Variants in CSMD2 observed in about 807,000 individuals in gnomAD.
The protein encoded by CSMD2 is CUB and sushi domain-containing protein 2.
In CSMD2, 130 loss-of-function variants were observed where a neutral mutation model predicts 398.5. The observed-to-expected ratio is 0.33, with a 90% CI of 0.28 to 0.38. The LOEUF is 0.38. CSMD2 is among the 10% of genes least tolerant of loss of function. CSMD2 has a pLI of 1.00. For missense variants in CSMD2, 3,829 were observed against 4,764.9 expected (o/e 0.80, Z 5.78); for synonymous variants, 1,828 against 1,908.5 (o/e 0.96, Z 1.10).
At chr1:33,735,492 C>G (rs1279070558) in intron 15 of CSMD2, among the ~76,000 whole-genome samples, 1 of 152,176 alleles carries the variant, frequency 6.6e-6, no homozygotes, top group African/African-American at 2.4e-5. Flanking sequence ...TAAGGGACTC[C>G]TGTGTCCTGT....
In CSMD2 at chr1:33,533,664, C is replaced by T. The variant is rs1012277312; in HGVS notation, c.9991+132G>A. 4.9e-5 allele frequency: 32 copies of T among 653,284 alleles called. No homozygotes were observed. The highest frequency in any genetic ancestry group is 3.6e-4 in the Admixed American group (14 of 38,476). 40.5% of individuals were successfully genotyped at this position (653,284 alleles called of 1,614,324 possible). ...TCTGTGAGGCCCCAAAGTGTAAGGA[C>T]TACAAAGAGACCGATGTCGGTTCGC... On this transcript the variant is annotated intron_variant, in intron 63 of 70. Transcript: ENST00000373381. The surrounding 1 kb of genome is among the most constrained non-coding windows in gnomAD (Gnocchi z 4.2).
chr1:33,829,467 T>C (rs942115448), intron 6 of CSMD2, among the ~76,000 whole-genome samples: 1 of 152,252 alleles, frequency 6.6e-6, no homozygotes, highest in Non-Finnish European at 1.5e-5. Flanking sequence ...TATATACATG[T>C]GTCATGTCGG....
At chr1:33,747,733 C>T (rs1647583896) in intron 13 of CSMD2, among the ~76,000 whole-genome samples, 1 of 152,118 alleles carries the variant, frequency 6.6e-6, no homozygotes, top group Non-Finnish European at 1.5e-5. Flanking sequence ...ACTCTGAATA[C>T]TCAAAAGTAA....
chr1:33,737,804 G>A (rs1557816500), intron 15 of CSMD2, among the ~76,000 whole-genome samples: 1 of 152,224 alleles, frequency 6.6e-6, no homozygotes. Context: ...GGAATATGAG[G>A]CCAAGGAAGA....
chr1:34,144,916 C>T (rs1407268598), intron 1 of CSMD2, among the ~76,000 whole-genome samples: 1 of 152,234 alleles, frequency 6.6e-6, no homozygotes, highest in East Asian at 1.9e-4. Context: ...CAAATAAATG[C>T]CAAGTGTCTG....
intron 1 of CSMD2, among the ~76,000 whole-genome samples, chr1:34,159,686 T>G (rs577761708): frequency 5.3e-5 from 8 of 152,366 alleles, no homozygotes; most frequent in African/African-American, 1.9e-4. Context: ...TTCACTGGGT[T>G]GCTGAGAGGA....
At chr1:33,901,755 GAAAT>G (rs893964951) in intron 5 of CSMD2, among the ~76,000 whole-genome samples, 3 of 152,144 alleles carry the variant, frequency 2.0e-5, no homozygotes, top group African/African-American at 4.8e-5. Flanking sequence ...AAATATTTGT[GAAAT>G]AAATAAATAA....
At chr1:34,158,359 C>T (rs562601530) in intron 1 of CSMD2, among the ~76,000 whole-genome samples, 5 of 152,290 alleles carry the variant, frequency 3.3e-5, no homozygotes, top group Admixed American at 2.0e-4. Context: ...GAAGCTCTCA[C>T]GACACTGCAG....
intron 62 of CSMD2, among the ~76,000 whole-genome samples, chr1:33,535,868 C>A (rs998042286): frequency 3.9e-5 from 6 of 152,196 alleles, no homozygotes; most frequent in Admixed American, 1.3e-4. Context: ...TCAAATGTCA[C>A]CCTTCCCTAA....
rs372651590 is a variant in CSMD2, at chr1:34,011,798, GT to G, written c.517+20795del. 5.9e-5 allele frequency among the ~76,000 whole-genome samples: 9 copies of G among 152,166 alleles called. No individual in the cohort carries two copies. In the East Asian group the frequency reaches 7.7e-4, roughly 13 times the overall value. ...TATTGACTATAGTTACCCTGTTGGGGTATCAAATAGTAGGTCTTATTCATGA... is the reference window on the plus strand; with the variant it reads ...TATTGACTATAGTTACCCTGTTGGGGATCAAATAGTAGGTCTTATTCATGA... On this transcript the variant is annotated intron_variant, in intron 3 of 70. Coordinates refer to ENST00000373381, the MANE Select transcript of CSMD2 (RefSeq NM_001281956.2).
intron 4 of CSMD2, among the ~76,000 whole-genome samples, chr1:33,921,329 G>A (rs1643930300): frequency 6.6e-6 from 1 of 152,202 alleles, no homozygotes; most frequent in Non-Finnish European, 1.5e-5. Flanking sequence ...TATGATGTCT[G>A]ACATCTGAGG....
intron 13 of CSMD2, among the ~76,000 whole-genome samples, chr1:33,752,496 C>G (rs918257437): frequency 3.9e-5 from 6 of 152,216 alleles, no homozygotes; most frequent in African/African-American, 1.4e-4. Context: ...CATGCCTGTA[C>G]AGCCTGCAGA....
At chr1:34,001,579 T>A (rs1421773089) in intron 3 of CSMD2, among the ~76,000 whole-genome samples, 1 of 152,232 alleles carries the variant, frequency 6.6e-6, no homozygotes, top group Admixed American at 6.5e-5. Context: ...CGAGCATGAA[T>A]TCAGGGAATA....
intron 25 of CSMD2, among the ~76,000 whole-genome samples, chr1:33,680,918 C>CATTT (rs1644887857): frequency 1.3e-5 from 1 of 75,932 alleles, no homozygotes; most frequent in African/African-American, 5.4e-5. Context: ...CTGTTTTATG[C>CATTT]TTTTTTTTTT....
At chr1:33,580,234 T>C (rs780805015) in intron 48 of CSMD2, among the ~76,000 whole-genome samples, 5 of 152,242 alleles carry the variant, frequency 3.3e-5, no homozygotes, top group Admixed American at 6.5e-5. Flanking sequence ...AGAGATCAGA[T>C]AAATTCAATT....
intron 28 of CSMD2, among the ~76,000 whole-genome samples, chr1:33,649,033 T>C (rs922940042): frequency 2.0e-5 from 3 of 152,236 alleles, no homozygotes; most frequent in Non-Finnish European, 2.9e-5. Flanking sequence ...ATAAAGTTTA[T>C]ATTTTTTATT....
At chr1:33,887,920 G>A (rs1312075111) in intron 5 of CSMD2, among the ~76,000 whole-genome samples, 1 of 152,012 alleles carries the variant, frequency 6.6e-6, no homozygotes, top group Non-Finnish European at 1.5e-5. Flanking sequence ...AAGATGGCTG[G>A]TTACAGAAGA....
intron 1 of CSMD2, among the ~76,000 whole-genome samples, chr1:34,154,417 C>T (rs1172096380): frequency 7.2e-5 from 11 of 152,152 alleles, no homozygotes; most frequent in African/African-American, 2.4e-4. Flanking sequence ...CACACAGGGT[C>T]CCAAATGGGA....
chr1:33,994,821 T>C (rs1187707224), intron 3 of CSMD2, among the ~76,000 whole-genome samples: 1 of 152,042 alleles, frequency 6.6e-6, no homozygotes, highest in African/African-American at 2.4e-5. Context: ...ATCCCAGCAC[T>C]TTGGGAGGCC....
Sources: gnomAD v4.1 joint callset for allele counts (sites outside exome capture counted in the v4.1 genomes callset) on GRCh38, gnomAD v4.1.1 for gene constraint, Gnocchi (gnomAD v3.1) non-coding constraint, MANE v1.5 for transcripts, NCBI Gene and HGNC (gene_info 2026-07-23, HGNC 2026-07-21) for gene names.